The following KREMEN1 variants were observed in gnomAD, a reference collection of about 807,000 sequenced individuals.
The protein encoded by KREMEN1 is kringle containing transmembrane protein 1, also known as kremen protein 1.
A neutral mutation model predicts 46.5 loss-of-function variants in KREMEN1; 30 were observed. The ratio of observed to expected loss-of-function variants is 0.65; its 90% CI spans 0.48 to 0.88. KREMEN1 has a LOEUF of 0.88. Ranked by LOEUF, KREMEN1 falls within the 40% of genes least tolerant of loss-of-function variation. The probability of loss-of-function intolerance (pLI) is 0.00; values close to 1 mark genes in which losing one functional copy is unlikely to be tolerated. For missense variants in KREMEN1, 533 were observed against 596.9 expected (o/e 0.89, Z 1.11); for synonymous variants, 214 against 230.6 (o/e 0.93, Z 0.65).
chr22:29,136,255 G>A (rs1386234271), intron 5 of KREMEN1, among the ~76,000 whole-genome samples: 1 of 150,062 alleles, frequency 6.7e-6, no homozygotes, highest in African/African-American at 2.4e-5. Flanking sequence ...AAGGGAACCA[G>A]AACTCCCCCA....
intron 3 of KREMEN1, among the ~76,000 whole-genome samples, chr22:29,119,542 C>G (rs1275717305): frequency 1.3e-5 from 2 of 152,136 alleles, no homozygotes; most frequent in Non-Finnish European, 2.9e-5. Context: ...CAAGAGTTGC[C>G]TCATTAGAAC....
intron 4 of KREMEN1, 71 bp from the exon 5 acceptor site, chr22:29,125,192 C>G: frequency 6.4e-7 from 1 of 1,566,478 alleles, no homozygotes; most frequent in South Asian, 1.2e-5. Flanking sequence ...GAAGCCCACC[C>G]TGCCAGGCTC....
At chr22:29,154,042 TAAGA>T (rs2038940885) in intron 9 of KREMEN1, among the ~76,000 whole-genome samples, 1 of 151,436 alleles carries the variant, frequency 6.6e-6, no homozygotes, top group Non-Finnish European at 1.5e-5. Context: ...TTAAATGAAA[TAAGA>T]AAGGTACAAT....
chr22:29,157,281 G>A (rs2038971172), intron 9 of KREMEN1, among the ~76,000 whole-genome samples: 1 of 152,190 alleles, frequency 6.6e-6, no homozygotes, highest in South Asian at 2.1e-4. Context: ...CTTCTTTCCA[G>A]TGGGGGAGCC....
intron 3 of KREMEN1, among the ~76,000 whole-genome samples, chr22:29,109,833 A>G (rs2038116710): frequency 6.6e-6 from 1 of 152,210 alleles, no homozygotes; most frequent in Admixed American, 6.5e-5. Context: ...GACAGGAAGG[A>G]TTAAGTCCAA....
At chr22:29,158,156 G>T (rs2038979810) in intron 9 of KREMEN1, among the ~76,000 whole-genome samples, 1 of 152,218 alleles carries the variant, frequency 6.6e-6, no homozygotes, top group Admixed American at 6.5e-5. Context: ...GGAGAAGTGG[G>T]CTGGCCCAGT....
intron 1 of KREMEN1, among the ~76,000 whole-genome samples, chr22:29,091,262 T>C (rs1020521645): frequency 2.6e-5 from 4 of 152,126 alleles, no homozygotes; most frequent in Non-Finnish European, 5.9e-5. Context: ...CTTGAGCCAC[T>C]GTGCCCGGCC....
At chr22:29,108,256 T>C (rs1255083696) in intron 3 of KREMEN1, among the ~76,000 whole-genome samples, 1 of 152,214 alleles carries the variant, frequency 6.6e-6, no homozygotes, top group African/African-American at 2.4e-5. Flanking sequence ...CATTGCACTT[T>C]AGTCTGGGCG....
chr22:29,082,076 A>G (rs1194968961), intron 1 of KREMEN1, among the ~76,000 whole-genome samples: 1 of 35,868 alleles, frequency 2.8e-5, no homozygotes, highest in Non-Finnish European at 6.3e-5. Flanking sequence ...AAACTTGTCT[A>G]GAAGCTGGAT....
intron 3 of KREMEN1, among the ~76,000 whole-genome samples, chr22:29,099,636 C>T (rs1227961839): frequency 6.7e-6 from 1 of 149,084 alleles, no homozygotes; most frequent in South Asian, 2.1e-4. Context: ...CTGCAACCTC[C>T]ACCTCCCAGG....
chr22:29,076,865 T>C (rs2037580615), intron 1 of KREMEN1, among the ~76,000 whole-genome samples: 1 of 152,090 alleles, frequency 6.6e-6, no homozygotes. Context: ...AATAAACAAA[T>C]AAATAAAAAG....
At chr22:29,127,314 G>C (rs1352085299) in intron 5 of KREMEN1, among the ~76,000 whole-genome samples, 1 of 152,114 alleles carries the variant, frequency 6.6e-6, no homozygotes, top group African/African-American at 2.4e-5. Context: ...TAGTGTGAGG[G>C]TTTACTACCT....
At chr22:29,100,260 C>T (rs1358704930) in intron 3 of KREMEN1, among the ~76,000 whole-genome samples, 1 of 152,112 alleles carries the variant, frequency 6.6e-6, no homozygotes, top group African/African-American at 2.4e-5. Flanking sequence ...GGATTACAGG[C>T]ATGTGCCACC....
intron 9 of KREMEN1, among the ~76,000 whole-genome samples, chr22:29,161,840 C>T (rs912520818): frequency 6.6e-6 from 1 of 151,624 alleles, no homozygotes; most frequent in Admixed American, 6.6e-5. Flanking sequence ...AAAAGTTGGC[C>T]GGGTGGTGGC....
intron 6 of KREMEN1, 21 bp downstream of exon 6, chr22:29,137,695 TG>T: frequency 1.3e-6 from 2 of 1,561,740 alleles, no homozygotes; most frequent in Non-Finnish European, 1.8e-6. Flanking sequence ...TTTGCCTCCT[TG>T]GGGGTTCTTC....
intron 3 of KREMEN1, among the ~76,000 whole-genome samples, chr22:29,114,376 C>T (rs2038200401): frequency 6.6e-6 from 1 of 150,562 alleles, no homozygotes; most frequent in African/African-American, 2.5e-5. Context: ...ACCCCAGCTA[C>T]TCGGGAGGCT....
intron 9 of KREMEN1, among the ~76,000 whole-genome samples, chr22:29,163,238 C>A (rs1012989450): frequency 1.3e-5 from 2 of 152,160 alleles, no homozygotes; most frequent in Non-Finnish European, 2.9e-5. Flanking sequence ...CTCCTGCCAT[C>A]TCTTGAAGGA....
chr22:29,074,897 C>T (rs1387429284), intron 1 of KREMEN1, among the ~76,000 whole-genome samples: 1 of 152,108 alleles, frequency 6.6e-6, no homozygotes, highest in Non-Finnish European at 1.5e-5. Context: ...GTAACATACC[C>T]GCATATAGGA....
intron 3 of KREMEN1, among the ~76,000 whole-genome samples, chr22:29,120,487 AGGAGAGGTG>A: frequency 1.9e-5 from 1 of 51,300 alleles, no homozygotes; most frequent in Non-Finnish European, 3.5e-5. Flanking sequence ...ACAGGGAGGA[AGGAGAGGTG>A]ATAAAGGAAA....
Sources: allele counts gnomAD v4.1 joint callset (sites outside exome capture counted in the v4.1 genomes callset), GRCh38; gene constraint gnomAD v4.1.1; transcripts MANE v1.5; gene names NCBI Gene and HGNC (gene_info 2026-07-23, HGNC 2026-07-21).